Variants in GPC3 observed in about 807,000 individuals in gnomAD.
GPC3 encodes glypican-3.
A neutral mutation model predicts 34.4 loss-of-function variants in GPC3; 3 were observed. The observed-to-expected ratio is 0.09, with a 90% CI of 0.04 to 0.23. The LOEUF (loss-of-function observed/expected upper bound fraction) is 0.23. GPC3 is among the 10% of genes least tolerant of loss of function. The probability of loss-of-function intolerance (pLI) is 1.00; values close to 1 mark genes in which losing one functional copy is unlikely to be tolerated. For synonymous variants in GPC3, 177 were observed against 174.0 expected (o/e 1.02, Z -0.13); for missense variants, 351 against 445.6 (o/e 0.79, Z 1.91).
chrX:133,708,029 T>C (rs1178474399), intron 3 of GPC3, among the ~76,000 whole-genome samples: 20 of 111,825 alleles, frequency 1.8e-4, no homozygotes, highest in Non-Finnish European at 7.5e-5. Flanking sequence ...ATATAGAAAA[T>C]AAATATGGAT....
At chrX:133,788,903 T>C (rs949775946) in intron 2 of GPC3, among the ~76,000 whole-genome samples, 2 of 110,622 alleles carry the variant, frequency 1.8e-5, no homozygotes, top group Non-Finnish European at 3.8e-5. Flanking sequence ...ACACAGCCTA[T>C]GAAAGCAGGA....
chrX:133,582,019 T>A (rs1019982949), intron 7 of GPC3, among the ~76,000 whole-genome samples: 1 of 111,607 alleles, frequency 9.0e-6, no homozygotes, highest in Admixed American at 9.6e-5. Flanking sequence ...AGCCCTGATT[T>A]GTAGTTTCTT....
At chrX:133,908,450 C>T (rs2076180616) in intron 2 of GPC3, among the ~76,000 whole-genome samples, 1 of 111,482 alleles carries the variant, frequency 9.0e-6, no homozygotes, top group South Asian at 3.8e-4. Flanking sequence ...GTGGGGAAGG[C>T]ATGAGGCTTG....
chrX:133,663,300 G>A (rs757717368), intron 5 of GPC3, among the ~76,000 whole-genome samples: 1 of 111,721 alleles, frequency 9.0e-6, no homozygotes, highest in East Asian at 2.9e-4. Flanking sequence ...TTAGCTGGGC[G>A]TTTTAGTAGA....
At chrX:133,930,028 C>T (rs2076291802) in intron 2 of GPC3, among the ~76,000 whole-genome samples, 1 of 111,879 alleles carries the variant, frequency 8.9e-6, no homozygotes, top group Non-Finnish European at 1.9e-5. Context: ...AAGAGCATTC[C>T]ATGAAAAAAA....
At chrX:133,955,218 A>G (rs1416533875) in intron 1 of GPC3, among the ~76,000 whole-genome samples, 5 of 111,221 alleles carry the variant, frequency 4.5e-5, no homozygotes, top group Non-Finnish European at 7.5e-5. Flanking sequence ...CCAGCCAATG[A>G]CTGAGCATGG....
At chrX:133,704,514 A>G in intron 3 of GPC3, among the ~76,000 whole-genome samples, 1 of 108,555 alleles carries the variant, frequency 9.2e-6, no homozygotes, top group Non-Finnish European at 1.9e-5. Context: ...AAGGAAATGG[A>G]GAGTGGTGAA....
At chrX:133,635,813 G>T (rs1445326630) in intron 6 of GPC3, among the ~76,000 whole-genome samples, 1 of 100,251 alleles carries the variant, frequency 1.0e-5, no homozygotes, top group East Asian at 3.3e-4. Context: ...ATGGTTATGG[G>T]AATTCAGTGT....
chrX:133,683,172 A>G (rs959254933), intron 5 of GPC3, among the ~76,000 whole-genome samples: 9 of 111,152 alleles, frequency 8.1e-5, no homozygotes, highest in African/African-American at 2.9e-4. Flanking sequence ...TTTTTCCAAA[A>G]AGGAGGTAGA....
At chrX:133,746,335 A>C (rs902091167) in intron 3 of GPC3, among the ~76,000 whole-genome samples, 3 of 112,381 alleles carry the variant, frequency 2.7e-5, no homozygotes, top group African/African-American at 9.7e-5. Flanking sequence ...ACATATAAGC[A>C]ACTGGCGATT....
chrX:133,684,277 G>A (rs2070974391), intron 5 of GPC3, among the ~76,000 whole-genome samples: 1 of 112,106 alleles, frequency 8.9e-6, no homozygotes, highest in African/African-American at 3.2e-5. Flanking sequence ...CAGGAACTGT[G>A]GAGATAGATA....
chrX:133,942,886 ATTT>A (rs775128509), intron 2 of GPC3, among the ~76,000 whole-genome samples: 1 of 111,937 alleles, frequency 8.9e-6, no homozygotes, highest in Non-Finnish European at 1.9e-5. Flanking sequence ...GCACACTAAA[ATTT>A]TTATTTTAAA....
chrX:133,680,833 G>A (rs1455880733), intron 5 of GPC3, among the ~76,000 whole-genome samples: 1 of 111,642 alleles, frequency 9.0e-6, no homozygotes, highest in African/African-American at 3.3e-5. Context: ...TCTTTGCTGT[G>A]AAACAAGATG....
chrX:133,952,379 C>T (rs1327876607), intron 2 of GPC3, among the ~76,000 whole-genome samples: 1 of 112,014 alleles, frequency 8.9e-6, no homozygotes, highest in African/African-American at 3.2e-5. Flanking sequence ...TGTCTGCTAT[C>T]ATCACCACCA....
rs3216447 is a variant in GPC3, at chrX:133,793,077, T to TA, written c.338-38902dup. Among the ~76,000 whole-genome samples the TA allele has an allele frequency of 6.3e-3, 638 of 101,378 alleles. 4 individuals are homozygous for TA. Among genetic ancestry groups the TA allele is most frequent in the Middle Eastern group, 0.011 (2 of 189 alleles). 88.0% of individuals were successfully genotyped at this position (101,378 alleles called of 115,157 possible). On this transcript the variant is annotated intron_variant, in intron 2 of 7. Transcript: ENST00000370818. ...CTGAATTAACACCAAAAAATAGAAA[T>TA]AAAAAAAAAAAGCCAACTCCTGGCA...
intron 2 of GPC3, among the ~76,000 whole-genome samples, chrX:133,903,428 A>G (rs1286085798): frequency 9.1e-6 from 1 of 110,341 alleles, no homozygotes; most frequent in African/African-American, 3.3e-5. Context: ...TCTACTAAAA[A>G]AAATGCAAAA....
intron 7 of GPC3, among the ~76,000 whole-genome samples, chrX:133,594,368 G>A (rs763696427): frequency 2.7e-5 from 3 of 111,367 alleles, no homozygotes; most frequent in South Asian, 3.8e-4. Flanking sequence ...GTTGAGACTC[G>A]TGGTAATGAC....
At chrX:133,940,815 T>C (rs2124627963) in intron 2 of GPC3, among the ~76,000 whole-genome samples, 1 of 112,612 alleles carries the variant, frequency 8.9e-6, no homozygotes, top group Admixed American at 9.4e-5. Context: ...GAACATACTT[T>C]GTTTTCCACT....
intron 5 of GPC3, among the ~76,000 whole-genome samples, chrX:133,672,209 C>G (rs1343712515): frequency 1.8e-5 from 2 of 111,610 alleles, no homozygotes; most frequent in African/African-American, 6.5e-5. Flanking sequence ...GATGAGGTCA[C>G]CTGAATGTTA....
Sources: allele counts gnomAD v4.1 joint callset (sites outside exome capture counted in the v4.1 genomes callset), GRCh38; gene constraint gnomAD v4.1.1; transcripts MANE v1.5; gene names NCBI Gene and HGNC (gene_info 2026-07-23, HGNC 2026-07-21).